Variants in UTY observed in about 807,000 individuals in gnomAD.
UTY encodes histone demethylase UTY.
Under a neutral mutation model 32.5 loss-of-function variants are expected in UTY, and 12 were observed. The observed-to-expected ratio is 0.37, with a 90% CI of 0.24 to 0.60. UTY has a LOEUF of 0.60. Ranked by LOEUF, UTY falls within the 20% of genes least tolerant of loss-of-function variation. The pLI is 0.69. For synonymous variants in UTY, 131 were observed against 103.4 expected (o/e 1.27, Z -1.62); for missense variants, 303 against 299.2 (o/e 1.01, Z -0.09).
At chrY:13,253,094 C>T (rs2054362881) in intron 28 of UTY, among the ~76,000 whole-genome samples, 1 of 33,009 alleles carries the variant, frequency 3.0e-5, no homozygotes, top group Admixed American at 2.7e-4. Context: ...GAGTGATGGT[C>T]GCAATGGAAA....
intron 3 of UTY, among the ~76,000 whole-genome samples, chrY:13,454,770 T>C (rs2076628816): frequency 1.3e-3 from 38 of 30,151 alleles, no homozygotes; most frequent in African/African-American, 5.0e-3. Flanking sequence ...AAACCCTGTC[T>C]CTACTAAAAA....
intron 10 of UTY, among the ~76,000 whole-genome samples, 156 bp downstream of exon 10, chrY:13,366,111 C>T: frequency 2.9e-5 from 1 of 33,996 alleles, no homozygotes; most frequent in Non-Finnish European, 7.3e-5. Context: ...ATCCACCCGC[C>T]TCGGCCTCCC....
chrY:13,354,451 A>G, intron 17 of UTY, among the ~76,000 whole-genome samples: 1 of 31,037 alleles, frequency 3.2e-5, no homozygotes, highest in Middle Eastern at 0.014. Context: ...AGAGGGAGCA[A>G]GGAAGGAAGG....
chrY:13,368,499 C>A, intron 9 of UTY, among the ~76,000 whole-genome samples: 1 of 31,822 alleles, frequency 3.1e-5, no homozygotes, highest in Non-Finnish European at 7.6e-5. Flanking sequence ...CCTGCCTCAG[C>A]CCCCCATGTA....
chrY:13,362,176 C>T (rs2063617586), intron 10 of UTY, among the ~76,000 whole-genome samples: 3 of 33,644 alleles, frequency 8.9e-5, no homozygotes, highest in Admixed American at 8.0e-4. Flanking sequence ...AGTCCAGTCA[C>T]CAAAAACTTT....
At chrY:13,376,561 CT>C (rs2065409897) in intron 8 of UTY, among the ~76,000 whole-genome samples, 1 of 32,831 alleles carries the variant, frequency 3.0e-5, no homozygotes, top group African/African-American at 1.2e-4. Context: ...CTGGAAGTCA[CT>C]TGAGACACAA....
intron 4 of UTY, among the ~76,000 whole-genome samples, chrY:13,439,745 CAAA>C (rs2075000877): frequency 3.1e-5 from 1 of 32,633 alleles, no homozygotes. Context: ...AAGGAGATCT[CAAA>C]GAAGTACGGG....
At chrY:13,393,806 C>A in intron 8 of UTY, 53 bp downstream of exon 8, 3 of 308,174 alleles carry the variant, frequency 9.7e-6, no homozygotes, top group Non-Finnish European at 1.4e-5. Flanking sequence ...CATTTCATTT[C>A]ATCTAAAGCA....
At chrY:13,288,774 C>G in intron 27 of UTY, among the ~76,000 whole-genome samples, 1 of 33,469 alleles carries the variant, frequency 3.0e-5, no homozygotes, top group African/African-American at 1.2e-4. Flanking sequence ...TGTTCCTGCC[C>G]AGCAAGAGAC....
At chrY:13,283,167 T>A in intron 27 of UTY, among the ~76,000 whole-genome samples, 1 of 34,495 alleles carries the variant, frequency 2.9e-5, no homozygotes, top group East Asian at 7.7e-4. Context: ...CTTTGGAACC[T>A]GCCCCATTCC....
At chrY:13,247,330 CTATT>C (rs2053961089), downstream of UTY, among the ~76,000 whole-genome samples, 1 of 32,900 alleles carries the variant, frequency 3.0e-5, no homozygotes, top group Non-Finnish European at 7.4e-5. Context: ...GGTTTTCTGC[CTATT>C]TAAAGAGTGT....
At position 13,364,518 on chromosome Y, in the gene UTY, A is replaced by G. The variant is rs769973703; in HGVS notation, c.866+1749T>C. Among the ~76,000 whole-genome samples, 17 of 32,958 alleles carry G rather than the reference A, an allele frequency of 5.2e-4. No individual in the cohort carries two copies. The East Asian group carries it at 0.014, about 26-fold the overall frequency. 88.4% of individuals were successfully genotyped at this position (32,958 alleles called of 37,273 possible). A position where few individuals can be genotyped will look rare whatever the true frequency, so the allele number is the denominator to read the frequency against. On this transcript the variant is annotated intron_variant, in intron 10 of 29. Coordinates refer to ENST00000545955, the MANE Select transcript of UTY (RefSeq NM_001258249.2). ...CAGCTGGTATTATAGTCGCCTGCTC[A>G]CCACACCCACCTAATTTTTGTATTT... is the stretch of plus-strand genomic sequence containing the variant.
At chrY:13,255,976 A>G (rs2054689353) in intron 28 of UTY, among the ~76,000 whole-genome samples, 1 of 33,162 alleles carries the variant, frequency 3.0e-5, no homozygotes, top group Non-Finnish European at 7.4e-5. Flanking sequence ...TATTACTCCA[A>G]TGTTATGATC....
At chrY:13,357,192 C>T in intron 15 of UTY, among the ~76,000 whole-genome samples, 1 of 32,574 alleles carries the variant, frequency 3.1e-5, no homozygotes, top group African/African-American at 1.2e-4. Context: ...GAGATCACAC[C>T]TGGGCAACAA....
chrY:13,390,247 T>C (rs2067379727), intron 8 of UTY, among the ~76,000 whole-genome samples: 1 of 32,865 alleles, frequency 3.0e-5, no homozygotes, highest in African/African-American at 1.2e-4. Flanking sequence ...CTCTTCATCA[T>C]AACTAACTGC....
At chrY:13,479,051 AT>A in intron 2 of UTY, 2 of 119,180 alleles carry the variant, frequency 1.7e-5, no homozygotes, top group African/African-American at 9.4e-5. Context: ...AAAGCGTCCG[AT>A]TTTTTTTTTC....
chrY:13,238,425 A>C (rs749403419), intron 28 of UTY, among the ~76,000 whole-genome samples: 4 of 33,414 alleles, frequency 1.2e-4, no homozygotes, highest in African/African-American at 4.7e-4. Flanking sequence ...TGCCAGCGCC[A>C]TCATCCATGC....
intron 8 of UTY, among the ~76,000 whole-genome samples, chrY:13,378,878 G>T (rs2065686519): frequency 3.0e-5 from 1 of 32,927 alleles, no homozygotes; most frequent in Non-Finnish European, 7.5e-5. Context: ...GTAGAGACAG[G>T]GTGTTTGGCC....
At chrY:13,293,619 G>C in intron 27 of UTY, among the ~76,000 whole-genome samples, 3 of 33,345 alleles carry the variant, frequency 9.0e-5, no homozygotes, top group Admixed American at 5.5e-4. Flanking sequence ...ACCTGGCCAT[G>C]GTGTTCAAAT....
Sources: gnomAD v4.1 joint callset for allele counts (sites outside exome capture counted in the v4.1 genomes callset) on GRCh38, gnomAD v4.1.1 for gene constraint, MANE v1.5 for transcripts, NCBI Gene and HGNC (gene_info 2026-07-23, HGNC 2026-07-21) for gene names.